The following CA6 variants were observed in gnomAD, a reference collection of about 807,000 sequenced individuals.
The protein encoded by CA6 is carbonic anhydrase 6.
Under a neutral mutation model 35.9 loss-of-function variants are expected in CA6, and 28 were observed. The observed-to-expected ratio is 0.78, with a 90% CI of 0.58 to 1.07. The LOEUF (loss-of-function observed/expected upper bound fraction) is 1.07. Among genes scored for constraint, CA6 ranks in the 50% least tolerant of loss-of-function variants. The pLI is 0.00. For missense variants in CA6, 377 were observed against 382.0 expected (o/e 0.99, Z 0.11); for synonymous variants, 148 against 152.6 (o/e 0.97, Z 0.22).
intron 4 of CA6, among the ~76,000 whole-genome samples, chr1:8,959,931 C>CAAAGAAAAAAAA (rs1639792317): frequency 1.3e-5 from 1 of 75,184 alleles, no homozygotes; most frequent in South Asian, 4.4e-4. Flanking sequence ...GATTCTATCT[C>CAAAGAAAAAAAA]AAAAAAAAAA....
intron 1 of CA6, among the ~76,000 whole-genome samples, chr1:8,947,259 C>T (rs1339462629): frequency 6.6e-6 from 1 of 152,082 alleles, no homozygotes; most frequent in African/African-American, 2.4e-5. Context: ...TTCCCGCATC[C>T]CCCTTCTTTC....
rs1639544020 is a variant in CA6, at chr1:8,951,811, T to C, written c.259+2369T>C. On this transcript the variant is annotated intron_variant, in intron 2 of 7. Transcript: ENST00000377443. Reference sequence around the variant, plus strand: ...GGACCCAAAGTTCACATTAATTATATATATATTAAAAACAATTTTTTTTTT... The same window carrying C: ...GGACCCAAAGTTCACATTAATTATACATATATTAAAAACAATTTTTTTTTT... 3.8e-5 allele frequency: 15 copies of C among 396,396 alleles called. No individual in the cohort carries two copies. The South Asian group carries it at 8.6e-4, about 23-fold the overall frequency. The allele number at this position is 396,396 out of a possible 1,614,324, so 24.6% of individuals were successfully genotyped here.
chr1:8,973,708 C>CTT (rs1430590240), intron 7 of CA6, among the ~76,000 whole-genome samples: 12 of 111,600 alleles, frequency 1.1e-4, no homozygotes, highest in Admixed American at 2.0e-4. Context: ...TTTTCTTTCT[C>CTT]TCTCTTTCTT....
intron 7 of CA6, among the ~76,000 whole-genome samples, chr1:8,972,072 A>T (rs972716487): frequency 2.0e-5 from 3 of 151,822 alleles, no homozygotes; most frequent in African/African-American, 7.3e-5. Context: ...TTTTGAGACA[A>T]GGTCTCAGTC....
intron 5 of CA6, among the ~76,000 whole-genome samples, chr1:8,964,133 T>C (rs1233805633): frequency 6.6e-6 from 1 of 152,182 alleles, no homozygotes; most frequent in Non-Finnish European, 1.5e-5. Context: ...AAATCCCTGC[T>C]CTTGTCAACA....
Position 8,958,903 on chromosome 1 carries a change from C to T in CA6, c.409-7C>T. 2 of 1,546,378 alleles carry T rather than the reference C, an allele frequency of 1.3e-6. No homozygotes were observed. The highest frequency in any genetic ancestry group is 1.8e-6 in the Non-Finnish European group (2 of 1,120,178). On this transcript the variant is annotated splice_region_variant and splice_polypyrimidine_tract_variant and intron_variant, in intron 3 of 7. Transcript: ENST00000377443. ...TGCCCTTGACCCACTCTACCTTGCT[C>T]TTACAGATTCACATTGTTCACTACA... is the stretch of plus-strand genomic sequence containing the variant.
chr1:8,959,756 AC>A (rs1639786172), intron 4 of CA6, among the ~76,000 whole-genome samples: 1 of 151,654 alleles, frequency 6.6e-6, no homozygotes, highest in African/African-American at 2.4e-5. Context: ...ACATGGCAAG[AC>A]CCCATCTCTA....
chr1:8,960,297 A>G (rs1639804820), intron 4 of CA6, among the ~76,000 whole-genome samples: 1 of 152,148 alleles, frequency 6.6e-6, no homozygotes, highest in South Asian at 2.1e-4. Flanking sequence ...GGAGGAAAAA[A>G]TAACTCAAAA....
chr1:8,957,308 T>C, intron 3 of CA6, 23 bp downstream of exon 3: 2 of 1,589,008 alleles, frequency 1.3e-6, no homozygotes, highest in Non-Finnish European at 1.7e-6. Context: ...CCCCACTGTG[T>C]CCTCTTTCCT....
In CA6 at chr1:8,974,639, GA is replaced by G; in HGVS notation, c.864del (p.Glu288AspfsTer16). 6.2e-7 allele frequency: 1 copy of G among 1,606,632 alleles called. No homozygotes were observed. Among genetic ancestry groups the G allele is most frequent in the Non-Finnish European group, 8.5e-7 (1 of 1,174,764 alleles). ...FPNQEYTLGS[E>X]FQFYLHKIEE... ...TTTTACAGAATACACTCTAGGCTCT[GA>G]ATTCCAGTTTTACCTACATAAGATT... On this transcript the variant is annotated frameshift_variant, in exon 8 of 8. Transcript: ENST00000377443. LOFTEE classifies it low-confidence loss of function (END_TRUNC).
chr1:8,969,643 G>C (rs1165374034), intron 6 of CA6, among the ~76,000 whole-genome samples: 1 of 152,112 alleles, frequency 6.6e-6, no homozygotes. Flanking sequence ...CTCTCTCTGG[G>C]TGTGTAGATA....
chr1:8,949,569 C>G, intron 2 of CA6, 127 bp downstream of exon 2: 1 of 775,684 alleles, frequency 1.3e-6, no homozygotes, highest in Non-Finnish European at 2.1e-6. Context: ...CTGGAGGCCT[C>G]GAACATGAGG....
chr1:8,968,696 C>A (rs1213826952), intron 6 of CA6, among the ~76,000 whole-genome samples: 1 of 152,088 alleles, frequency 6.6e-6, no homozygotes. Context: ...AATAGAATTT[C>A]TAGAAATGGA....
intron 4 of CA6, 121 bp from the exon 5 acceptor site, chr1:8,962,466 G>T: frequency 2.5e-6 from 2 of 790,564 alleles, no homozygotes; most frequent in Non-Finnish European, 2.2e-6. Context: ...GACGGCACAG[G>T]CTGCCTCTCC....
chr1:8,946,872 C>T (rs146831526), intron 1 of CA6, among the ~76,000 whole-genome samples: 1,888 of 147,174 alleles, frequency 0.013, 42 homozygotes, highest in African/African-American at 0.045. Flanking sequence ...GGTGCCATCT[C>T]GGCTTACTGC....
chr1:8,951,578 T>G (rs1639536440), intron 2 of CA6: 1 of 765,080 alleles, frequency 1.3e-6, no homozygotes, highest in Non-Finnish European at 2.4e-6. Context: ...GCTTGCTGAG[T>G]GCGGGCTTCG....
At chr1:8,955,962 C>T (rs1232009751) in intron 2 of CA6, among the ~76,000 whole-genome samples, 2 of 152,178 alleles carry the variant, frequency 1.3e-5, no homozygotes, top group Non-Finnish European at 2.9e-5. Context: ...GTGGCTCGCG[C>T]CTATAATCCC....
At position 8,970,953 on chromosome 1, in the gene CA6, A is replaced by G; in HGVS notation, c.816A>G (p.Arg272=). 1 of 1,613,416 alleles carries G rather than the reference A, an allele frequency of 6.2e-7. No individual in the cohort carries two copies. Among genetic ancestry groups the G allele is most frequent in the East Asian group, 2.2e-5 (1 of 44,880 alleles). Residue 272 remains arginine (R), a synonymous_variant, in exon 7 of 8, where the codon AGA becomes AGG. Transcript: ENST00000377443. ...DYRRTQPLNH[R]VVESNFPNQE... is the part of the protein sequence containing the mutation. ...GCAGGACCCAGCCCCTGAACCACAG[A>G]GTGGTGGAATCCAACTTCCCGAATC...
At chr1:8,955,616 G>GCCTCCTTTTAAGGCCCTTC (rs1557623798) in intron 2 of CA6, among the ~76,000 whole-genome samples, 19,846 of 150,122 alleles carry the variant, frequency 0.13, 1,711 homozygotes, top group Middle Eastern at 0.17. Flanking sequence ...CACTGACCTT[G>GCCTCCTTTTAAGGCCCTTC]CACGCCTCCT....
Sources: gnomAD v4.1 joint callset for allele counts (sites outside exome capture counted in the v4.1 genomes callset) on GRCh38, gnomAD v4.1.1 for gene constraint, MANE v1.5 for transcripts, NCBI Gene and HGNC (gene_info 2026-07-23, HGNC 2026-07-21) for gene names.